Variants in CCDC69 observed in about 807,000 individuals in gnomAD.
The protein encoded by CCDC69 is coiled-coil domain-containing protein 69.
Under a neutral mutation model 40.3 loss-of-function variants are expected in CCDC69, and 38 were observed. The observed-to-expected ratio is 0.94, with a 90% CI of 0.73 to 1.24. CCDC69 has a LOEUF of 1.24. CCDC69 is among the 50% of genes most tolerant of loss of function. The pLI is 0.00. For synonymous variants in CCDC69, 141 were observed against 138.9 expected (o/e 1.02, Z -0.11); for missense variants, 389 against 357.9 (o/e 1.09, Z -0.70).
intron 1 of CCDC69, chr5:151,215,679 G>A (rs1226130955): frequency 7.8e-6 from 3 of 383,920 alleles, no homozygotes; most frequent in Admixed American, 2.6e-5. Flanking sequence ...AAGAGAGGGC[G>A]GGATTGCCTG....
At chr5:151,199,606 A>G (rs1752750799) in intron 3 of CCDC69, among the ~76,000 whole-genome samples, 1 of 151,970 alleles carries the variant, frequency 6.6e-6, no homozygotes. Flanking sequence ...TCCCTTTGCC[A>G]CCTGTAAGGT....
chr5:151,219,204 G>C (rs55894958), intron 1 of CCDC69, among the ~76,000 whole-genome samples: 25,791 of 152,138 alleles, frequency 0.17, 2,270 homozygotes, highest in Middle Eastern at 0.24. Context: ...CTTACCAACC[G>C]AGCTAGAAGA....
intron 1 of CCDC69, chr5:151,211,048 G>C (rs775875111): frequency 1.3e-5 from 2 of 152,192 alleles, no homozygotes; most frequent in African/African-American, 2.4e-5. Flanking sequence ...TGGCAAATTT[G>C]CTAGGTCAAA....
At chr5:151,197,891 C>T (rs1376103576) in intron 4 of CCDC69, among the ~76,000 whole-genome samples, 1 of 152,122 alleles carries the variant, frequency 6.6e-6, no homozygotes, top group Non-Finnish European at 1.5e-5. Flanking sequence ...TATGTAGTTA[C>T]TAAAACTCTT....
chr5:151,221,194 G>T, intron 1 of CCDC69, among the ~76,000 whole-genome samples: 1 of 152,140 alleles, frequency 6.6e-6, no homozygotes, highest in East Asian at 1.9e-4. Context: ...CAGACCCCCA[G>T]ATCCTTGAAC....
intron 1 of CCDC69, among the ~76,000 whole-genome samples, chr5:151,212,587 G>A (rs2114001319): frequency 6.6e-6 from 1 of 152,332 alleles, no homozygotes; most frequent in East Asian, 1.9e-4. Context: ...AGATGCTCTA[G>A]AGTATACTCT....
chr5:151,191,480 C>A (rs76382025), intron 4 of CCDC69, among the ~76,000 whole-genome samples: 3,075 of 152,228 alleles, frequency 0.02, 42 homozygotes, highest in Middle Eastern at 0.068. Context: ...ATGAAACAAA[C>A]CTTAACAAAC....
chr5:151,204,877 G>T (rs760619719), intron 2 of CCDC69, among the ~76,000 whole-genome samples: 10 of 151,854 alleles, frequency 6.6e-5, no homozygotes, highest in African/African-American at 9.7e-5. Context: ...TTCAACTTTT[G>T]TTTAGATTTA....
At chr5:151,220,837 C>G (rs942148397) in intron 1 of CCDC69, among the ~76,000 whole-genome samples, 1 of 151,978 alleles carries the variant, frequency 6.6e-6, no homozygotes, top group African/African-American at 2.4e-5. Context: ...AGGCTGGTAA[C>G]CTGTTGGGGA....
chr5:151,218,363 G>A (rs563798377), intron 1 of CCDC69, among the ~76,000 whole-genome samples: 21 of 152,288 alleles, frequency 1.4e-4, no homozygotes, highest in African/African-American at 4.3e-4. Flanking sequence ...CACTGGGGAC[G>A]GCTCACAGTG....
In CCDC69 at chr5:151,200,664, C is replaced by T. The variant is rs542152628; in HGVS notation, c.231+918G>A. ...AAAGGAAATCCTGGGCTGCAGGTTACATTCAGTCATCCCATCACTTTAGTG... is the reference window on the plus strand; with the variant it reads ...AAAGGAAATCCTGGGCTGCAGGTTATATTCAGTCATCCCATCACTTTAGTG... On this transcript the variant is annotated intron_variant, in intron 3 of 8. Coordinates refer to ENST00000355417, the MANE Select transcript of CCDC69 (RefSeq NM_015621.3). 9.2e-5 allele frequency among the ~76,000 whole-genome samples: 14 copies of T among 152,318 alleles called. No individual in the cohort carries two copies. In the South Asian group the frequency reaches 2.9e-3, roughly 32 times the overall value.
Position 151,186,194 on chromosome 5 carries a change from T to A in CCDC69, c.394-70A>T. 3 of 1,056,454 alleles carry A rather than the reference T, an allele frequency of 2.8e-6. No homozygotes were observed. The African/African-American group carries it at 4.7e-5, about 16-fold the overall frequency. 65.4% of individuals were successfully genotyped at this position (1,056,454 alleles called of 1,614,324 possible). On this transcript the variant is annotated intron_variant, in intron 5 of 8. Transcript: ENST00000355417. ...AATGCTGTAGGTGAACTTCGCCACATCCCAGAGGGAGAACGGTTTTGGGTT... is the reference window on the plus strand; with the variant it reads ...AATGCTGTAGGTGAACTTCGCCACAACCCAGAGGGAGAACGGTTTTGGGTT...
chr5:151,192,116 G>GAAAAAA (rs1224418046), intron 4 of CCDC69, among the ~76,000 whole-genome samples: 3 of 69,346 alleles, frequency 4.3e-5, no homozygotes, highest in Admixed American at 1.5e-4. Context: ...AGAATGAAAA[G>GAAAAAA]AAATAAAAAA....
At chr5:151,212,724 A>G (rs1342811533) in intron 1 of CCDC69, 4 of 453,846 alleles carry the variant, frequency 8.8e-6, no homozygotes, top group Non-Finnish European at 1.8e-5. Context: ...CCTTGAGAAC[A>G]GGCAGGAAGA....
intron 1 of CCDC69, among the ~76,000 whole-genome samples, chr5:151,219,249 G>C (rs991534813): frequency 6.6e-6 from 1 of 152,266 alleles, no homozygotes; most frequent in Middle Eastern, 3.4e-3. Context: ...CAGGTGTCAA[G>C]GGCTGCTCCC....
intron 4 of CCDC69, among the ~76,000 whole-genome samples, chr5:151,192,457 A>C (rs1359958125): frequency 6.6e-6 from 1 of 152,070 alleles, no homozygotes; most frequent in Non-Finnish European, 1.5e-5. Context: ...AAAAAAAAAA[A>C]ATGACCAAAA....
chr5:151,208,436 C>G (rs1170447516), intron 1 of CCDC69, among the ~76,000 whole-genome samples: 1 of 152,252 alleles, frequency 6.6e-6, no homozygotes, highest in Non-Finnish European at 1.5e-5. Flanking sequence ...CCCCATGGTG[C>G]TGGGCACAGA....
intron 1 of CCDC69, among the ~76,000 whole-genome samples, chr5:151,220,788 C>T (rs1753122694): frequency 7.9e-6 from 1 of 126,562 alleles, no homozygotes; most frequent in Non-Finnish European, 1.7e-5. Flanking sequence ...CTGCACCAGT[C>T]CCCACCCCCC....
chr5:151,199,419 A>G (rs148400404), intron 3 of CCDC69, among the ~76,000 whole-genome samples: 2 of 152,104 alleles, frequency 1.3e-5, no homozygotes, highest in East Asian at 3.9e-4. Context: ...GTGACCTCCA[A>G]CTTCTACCAT....
Sources: gnomAD v4.1 joint callset for allele counts (sites outside exome capture counted in the v4.1 genomes callset) on GRCh38, gnomAD v4.1.1 for gene constraint, MANE v1.5 for transcripts, NCBI Gene and HGNC (gene_info 2026-07-23, HGNC 2026-07-21) for gene names.